CYP2E1: variants seen among roughly 807,000 people sequenced by gnomAD.
The protein encoded by CYP2E1 is cytochrome P450 family 2 subfamily E member 1, also known as cytochrome P450 2E1.
CYP2E1 carries 31 observed loss-of-function variants against 42.9 expected under a neutral mutation model. That is an observed-to-expected ratio of 0.72 (90% CI 0.54 to 0.98). The LOEUF is 0.98. CYP2E1 is among the 50% of genes least tolerant of loss of function. The pLI is 0.00. For missense variants in CYP2E1, 565 were observed against 633.2 expected (o/e 0.89, Z 1.16); for synonymous variants, 244 against 248.9 (o/e 0.98, Z 0.19).
intron 2 of CYP2E1, among the ~76,000 whole-genome samples, chr10:133,530,309 G>C (rs904597824): frequency 6.6e-6 from 1 of 152,150 alleles, no homozygotes; most frequent in Non-Finnish European, 1.5e-5. Context: ...GAGAAAGTTT[G>C]GTTCCCAACC....
At chr10:133,527,715 A>T (rs2133592285) in intron 1 of CYP2E1, 143 bp downstream of exon 1, 1 of 695,514 alleles carries the variant, frequency 1.4e-6, no homozygotes, top group African/African-American at 1.8e-5. Flanking sequence ...TCCTGGAGCG[A>T]CACTCAAAAT....
chr10:133,528,093 C>T (rs1403882638), intron 1 of CYP2E1: 5 of 240,002 alleles, frequency 2.1e-5, no homozygotes, highest in Non-Finnish European at 4.1e-5. Context: ...AGGCTGACGG[C>T]GGGCGGGGGT....
At chr10:133,528,747 T>C in intron 2 of CYP2E1, 107 bp downstream of exon 2, 1 of 1,351,056 alleles carries the variant, frequency 7.4e-7, no homozygotes, top group Non-Finnish European at 1.0e-6. Flanking sequence ...AACAGTAATA[T>C]TATAGTAACA....
chr10:133,536,894 T>G (rs1851411962), intron 6 of CYP2E1, among the ~76,000 whole-genome samples, 169 bp from the exon 7 acceptor site: 1 of 144,246 alleles, frequency 6.9e-6, no homozygotes, highest in Non-Finnish European at 1.5e-5. Context: ...CATGGGTGGA[T>G]GGATGGAGGA....
chr10:133,528,758 G>A, intron 2 of CYP2E1, 118 bp downstream of exon 2: 1 of 1,243,830 alleles, frequency 8.0e-7, no homozygotes, highest in Non-Finnish European at 1.1e-6. Context: ...TATAGTAACA[G>A]CATCCGAAGG....
At chr10:133,528,685 C>T (rs1425506616) in intron 2 of CYP2E1, 45 bp downstream of exon 2, 3 of 1,605,856 alleles carry the variant, frequency 1.9e-6, no homozygotes, top group Admixed American at 3.3e-5. Context: ...CATAACACGC[C>T]CCGGGACAGT....
intron 2 of CYP2E1, among the ~76,000 whole-genome samples, chr10:133,529,008 C>T (rs974529608): frequency 3.3e-5 from 5 of 152,212 alleles, no homozygotes; most frequent in Non-Finnish European, 2.9e-5. Flanking sequence ...CTTCGTCCAC[C>T]GAGGTCCCCT....
At chr10:133,532,952 G>T in intron 5 of CYP2E1, 84 bp downstream of exon 5, 1 of 1,320,810 alleles carries the variant, frequency 7.6e-7, no homozygotes, top group Non-Finnish European at 1.0e-6. Flanking sequence ...AGCTGCACTT[G>T]CTGGTGTCCA....
chr10:133,538,729 C>A, intron 8 of CYP2E1, 51 bp from the exon 9 acceptor site: 1 of 1,518,044 alleles, frequency 6.6e-7, no homozygotes, highest in South Asian at 1.2e-5. Context: ...TTAACAGTGT[C>A]GTGTCTCTGA....
intron 5 of CYP2E1, among the ~76,000 whole-genome samples, chr10:133,533,181 T>A (rs918328648): frequency 2.0e-5 from 3 of 152,186 alleles, no homozygotes; most frequent in Non-Finnish European, 4.4e-5. Context: ...TCAGCCTTCC[T>A]TGTGGGCATG....
At chr10:133,529,510 G>A (rs954043195) in intron 2 of CYP2E1, among the ~76,000 whole-genome samples, 2 of 152,256 alleles carry the variant, frequency 1.3e-5, no homozygotes. Context: ...TGATGACGAG[G>A]CTCCAGAAAA....
At chr10:133,534,031 A>T in intron 6 of CYP2E1, 134 bp downstream of exon 6, 1 of 922,958 alleles carries the variant, frequency 1.1e-6, no homozygotes, top group Non-Finnish European at 1.6e-6. Flanking sequence ...AGATGGCTAG[A>T]TGCACTGCTG....
chr10:133,528,637 A>G lies in CYP2E1; in HGVS notation c.334A>G (p.Arg112Gly). ...CCCCGCGTTCCATGCGCACAGGGACAGGGGTGAGTCCGCGTCCCTGGCACG... is the reference window on the plus strand; with the variant it reads ...CCCCGCGTTCCATGCGCACAGGGACGGGGGTGAGTCCGCGTCCCTGGCACG... ...DLPAFHAHRD[R>G]GIIFNNGPTW... Residue 112 changes from arginine (R) to glycine (G), a missense_variant, in exon 2 of 9, where the codon AGG (arginine) becomes GGG (glycine). Coordinates refer to ENST00000252945, the MANE Select transcript of CYP2E1 (RefSeq NM_000773.4). 1 of 1,613,032 alleles carries G rather than the reference A, an allele frequency of 6.2e-7. No homozygotes were observed. Among genetic ancestry groups the G allele is most frequent in the South Asian group, 1.1e-5 (1 of 91,070 alleles).
In CYP2E1 at chr10:133,528,525, G is replaced by A. The variant is rs1589953326; in HGVS notation, c.222G>A (p.Ser74=). ...CGGTGTTCACGCTGTACGTGGGCTCGCAGCGCATGGTGGTGATGCACGGCT... is the reference window on the plus strand; with the variant it reads ...CGGTGTTCACGCTGTACGTGGGCTCACAGCGCATGGTGGTGATGCACGGCT... ...FGPVFTLYVG[S]QRMVVMHGYK... The change falls in exon 2 of 9, where the codon TCG becomes TCA. Residue 74 remains serine (S), a synonymous_variant. Coordinates refer to ENST00000252945, the MANE Select transcript of CYP2E1 (RefSeq NM_000773.4). 6.2e-7 allele frequency: 1 copy of A among 1,613,498 alleles called. No individual in the cohort carries two copies. Among genetic ancestry groups the A allele is most frequent in the South Asian group, 1.1e-5 (1 of 91,076 alleles).
chr10:133,530,131 G>A (rs973140451), intron 2 of CYP2E1, among the ~76,000 whole-genome samples: 1 of 152,142 alleles, frequency 6.6e-6, no homozygotes, highest in African/African-American at 2.4e-5. Flanking sequence ...CATATGACCC[G>A]CAGGGCGCAG....
At chr10:133,537,674 T>G in intron 7 of CYP2E1, 77 bp from the exon 8 acceptor site, 1 of 1,270,930 alleles carries the variant, frequency 7.9e-7, no homozygotes, top group Non-Finnish European at 1.1e-6. Context: ...CAAAACTACA[T>G]TCTTCACTGG....
intron 6 of CYP2E1, among the ~76,000 whole-genome samples, chr10:133,535,302 C>T (rs1177635278): frequency 6.6e-6 from 1 of 152,078 alleles, no homozygotes; most frequent in Non-Finnish European, 1.5e-5. Context: ...CCCCACTGCA[C>T]TCTAGCCTGA....
chr10:133,527,366 C>G lies in CYP2E1; in HGVS notation c.-30C>G, dbSNP rs775845751. 3 of 1,582,120 alleles carry G rather than the reference C, an allele frequency of 1.9e-6. No homozygotes were observed. The highest frequency in any genetic ancestry group is 2.6e-6 in the Non-Finnish European group (3 of 1,161,820). ...CCTTCCGTTTCCACAGGATTGTCTC[C>G]CGGGCTGGCAGCAGGGCCCCAGCGG... On this transcript the variant is annotated 5_prime_UTR_variant, in exon 1 of 9. Transcript: ENST00000252945.
rs2070674 is a variant in CYP2E1 at position 133,531,836 on chromosome 10, C to A, written c.487+102C>A. ...ACTGCATCTGAACCACAGGGACCTA[C>A]GGACAAGGAGAGGGTCTCGTGAGTC... On this transcript the variant is annotated intron_variant, in intron 3 of 8. Transcript: ENST00000252945. The A allele has an allele frequency of 3.2e-6, 4 of 1,253,078 alleles. No homozygotes were observed. In the African/African-American group the frequency reaches 6.0e-5, roughly 19 times the overall value. 77.6% of individuals were successfully genotyped at this position (1,253,078 alleles called of 1,614,324 possible). A position where few individuals can be genotyped will look rare whatever the true frequency, so the allele number is the denominator to read the frequency against.
Sources: allele counts gnomAD v4.1 joint callset (sites outside exome capture counted in the v4.1 genomes callset), GRCh38; gene constraint gnomAD v4.1.1; transcripts MANE v1.5; gene names NCBI Gene and HGNC (gene_info 2026-07-23, HGNC 2026-07-21).